The following PTCH1 variants were observed in gnomAD, a reference collection of about 807,000 sequenced individuals.
PTCH1 encodes the protein protein patched homolog 1.
In PTCH1, 14 loss-of-function variants were observed where a neutral mutation model predicts 144.6. That is an observed-to-expected ratio of 0.10 (90% CI 0.06 to 0.15). The LOEUF (loss-of-function observed/expected upper bound fraction) is 0.15, where lower values mean the gene tolerates loss of function less well. Ranked by LOEUF, PTCH1 falls within the 10% of genes least tolerant of loss-of-function variation. The pLI is 1.00. For synonymous variants in PTCH1, 833 were observed against 793.6 expected, an observed-to-expected ratio of 1.05 and a Z score of -0.83; for missense variants, 1,623 against 1,948.3, an observed-to-expected ratio of 0.83 and a Z score of 3.14.
chr9:95,496,761 C>A (rs1842820926), intron 2 of PTCH1, among the ~76,000 whole-genome samples: 1 of 152,080 alleles, frequency 6.6e-6, no homozygotes, highest in African/African-American at 2.4e-5. Flanking sequence ...GTGTAAATCT[C>A]ATGAGGAAAA....
chr9:95,456,669 T>C (rs536304934), intron 18 of PTCH1, among the ~76,000 whole-genome samples: 1 of 152,268 alleles, frequency 6.6e-6, no homozygotes, highest in African/African-American at 2.4e-5. Context: ...CCAATGTACC[T>C]TCTCCAGAAA....
rs1309958979 is a variant in PTCH1 at position 95,444,477 on chromosome 9, T to A, written c.*1916A>T. 1 of 151,864 alleles carries A rather than the reference T, an allele frequency of 6.6e-6. No homozygotes were observed. Among genetic ancestry groups the A allele is most frequent in the African/African-American group, 2.5e-5 (1 of 40,248 alleles). The allele number at this position is 151,864 out of a possible 1,614,324, so 9.4% of individuals were successfully genotyped here. On this transcript the variant is annotated 3_prime_UTR_variant, in exon 24 of 24. Transcript: ENST00000331920. The stretch of plus-strand genomic sequence containing the variant: ...GACAGCAGCAGGGGGGTGGCCAGGG[T>A]CCCCAGCAGAGACACACACACACGC...
chr9:95,516,893 T>G, exon 1 of PTCH1: 5 of 1,290,292 alleles, frequency 3.9e-6, no homozygotes, highest in Non-Finnish European at 5.4e-6. Context: ...CCGAAAACTT[T>G]ACCCCTTTAC....
chr9:95,499,383 G>C (rs1842993705), intron 2 of PTCH1, among the ~76,000 whole-genome samples: 1 of 150,948 alleles, frequency 6.6e-6, no homozygotes, highest in African/African-American at 2.4e-5. Context: ...CCTCCTCTTA[G>C]GTTGTGATTA....
intron 2 of PTCH1, among the ~76,000 whole-genome samples, chr9:95,502,708 TACACACGCACACACACGCGCATGCAC>T (rs1843233949): frequency 6.6e-6 from 1 of 152,172 alleles, no homozygotes; most frequent in Non-Finnish European, 1.5e-5. Context: ...CACCAATTCC[TACACACGCACACACACGCGCATGCAC>T]ACACACGGAC....
At chr9:95,479,757 T>C (rs901577661) in intron 7 of PTCH1, 3 of 722,244 alleles carry the variant, frequency 4.2e-6, no homozygotes, top group Non-Finnish European at 6.9e-6. Flanking sequence ...TGATGAAAAC[T>C]ACAAATCCAT....
chr9:95,449,112 A>G lies in PTCH1; in HGVS notation c.3761T>C (p.Val1254Ala). 1 of 1,614,196 alleles carries G rather than the reference A, an allele frequency of 6.2e-7. No individual in the cohort carries two copies. The highest frequency in any genetic ancestry group is 1.1e-5 in the South Asian group (1 of 91,074). Residue 1254 changes from valine (V) to alanine (A), a missense_variant, in exon 22 of 24, where the codon GTG becomes GCG. Physicochemically the swap from Val to Ala is moderately conservative, Grantham distance 64. Transcript: ENST00000331920. This position sits in a 1 kb window ranked among gnomAD's most constrained non-coding sequence, Gnocchi z 5.3. ...GGGGTTTTCTGTGGCTTCCACGATC[A>G]CTTGGTGGGCAGGGCCTCCCGCGCC... ...QQGAGGPAHQ[V>A]IVEATENPVF... is the part of the protein sequence containing the mutation.
rs764817185 is a variant in PTCH1 at position 95,480,609 on chromosome 9, C to T, written c.747-21G>A. 37 of 1,604,976 alleles carry T rather than the reference C, an allele frequency of 2.3e-5. No homozygotes were observed. The South Asian group carries it at 2.5e-4, about 11-fold the overall frequency. On this transcript the variant is annotated intron_variant, in intron 5 of 23. Transcript: ENST00000331920. ...TACCTCTGCAAAAGAAATTAGGAGA[C>T]GAGACCATGAAAAGAGCCTTCTAAA... is the stretch of plus-strand genomic sequence containing the variant.
chr9:95,459,348 C>T (rs1053190631), intron 17 of PTCH1, among the ~76,000 whole-genome samples: 3 of 152,204 alleles, frequency 2.0e-5, no homozygotes, highest in East Asian at 1.9e-4. Context: ...GTGAGAGCAA[C>T]GCCTAATGAA....
In PTCH1 at chr9:95,508,556, CGCTGCG is replaced by C; in HGVS notation, c.-201_-196del. ...CTGCTCACACGGCGGGCGCTGCTGC[CGCTGCG>C]GCCGCGGCCGCTGCCGGGGAGTCAG... On this transcript the variant is annotated 5_prime_UTR_variant, in exon 1 of 24. Transcript: ENST00000331920. 5 of 1,005,478 alleles carry C rather than the reference CGCTGCG, an allele frequency of 5.0e-6. No homozygotes were observed. Among genetic ancestry groups the C allele is most frequent in the Non-Finnish European group, 5.9e-6 (5 of 843,244 alleles). The allele number at this position is 1,005,478 out of a possible 1,614,324, so 62.3% of individuals were successfully genotyped here. A position where few individuals can be genotyped will look rare whatever the true frequency, so the allele number is the denominator to read the frequency against.
rs147204440 is a variant in PTCH1 at position 95,468,877 on chromosome 9, T to C, written c.2124A>G (p.Thr708=). The change falls in exon 14 of 24, where the codon ACA becomes ACG. Residue 708 remains threonine, a synonymous_variant. Coordinates refer to ENST00000331920, the MANE Select transcript of PTCH1 (RefSeq NM_000264.5). ...CGGAGAACTGGGAGAGCAGGTCCCT[T>C]GTGGAGCTGGTGCTCTCTGGGCTCT... is the stretch of plus-strand genomic sequence containing the variant. ...SCQSPESTSS[T]RDLLSQFSDS... is the part of the protein sequence containing the mutation. 99 of 1,613,926 alleles carry C rather than the reference T, an allele frequency of 6.1e-5. No individual in the cohort carries two copies. Among genetic ancestry groups the C allele is most frequent in the South Asian group, 1.1e-5 (1 of 91,050 alleles).
chr9:95,445,916 A>G lies in PTCH1; in HGVS notation c.*477T>C, dbSNP rs1837847336. 1 of 157,078 alleles carries G rather than the reference A, an allele frequency of 6.4e-6. No homozygotes were observed. Among genetic ancestry groups the G allele is most frequent in the Non-Finnish European group, 1.4e-5 (1 of 70,584 alleles). The allele number at this position is 157,078 out of a possible 1,614,324, so 9.7% of individuals were successfully genotyped here. ...TTGAAAGTTAACAGTAACATTTCAT[A>G]CTACCACAGGGTTGTGATATGCAAA... On this transcript the variant is annotated 3_prime_UTR_variant, in exon 24 of 24. Transcript: ENST00000331920.
At chr9:95,516,606 C>T in exon 1 of PTCH1, 2 of 1,600,704 alleles carry the variant, frequency 1.2e-6, no homozygotes, top group Middle Eastern at 1.7e-4. Flanking sequence ...CCCAGTCTTC[C>T]CTCGTCTCCC....
upstream of PTCH1, among the ~76,000 whole-genome samples, chr9:95,511,394 C>T (rs764925569): frequency 2.0e-5 from 3 of 152,228 alleles, no homozygotes; most frequent in Non-Finnish European, 4.4e-5. Context: ...GAGGCCCTTC[C>T]CCCGACCCCC....
At position 95,447,309 on chromosome 9, in the gene PTCH1, T is replaced by C. The variant is rs147067171; in HGVS notation, c.3947A>G (p.Tyr1316Cys). ...TTCAAAAGCGTCTCTGCGCGGTCTG[T>C]AGGGGGGTGGCCACAAGCCTTCTCT... ...PPREGLWPPP[Y>C]RPRRDAFEIS... is the part of the protein sequence containing the mutation. The change falls in exon 23 of 24, where the codon TAC becomes TGC. Residue 1316 changes from tyrosine to cysteine, a missense_variant. Physicochemically the swap from Tyr to Cys is radical, Grantham distance 194 (BLOSUM62 -2). Transcript: ENST00000331920. The C allele has an allele frequency of 7.4e-4, 1,197 of 1,609,922 alleles. No individual in the cohort carries two copies. The highest frequency in any genetic ancestry group is 1.8e-3 in the Middle Eastern group (11 of 6,070).
intron 2 of PTCH1, among the ~76,000 whole-genome samples, chr9:95,486,200 CCT>C (rs902927472): frequency 6.6e-6 from 1 of 152,152 alleles, no homozygotes; most frequent in Admixed American, 6.5e-5. Context: ...ACCAAATAAC[CCT>C]GTTACAATTT....
intron 2 of PTCH1, among the ~76,000 whole-genome samples, chr9:95,486,421 G>A (rs919455944): frequency 1.3e-5 from 2 of 152,260 alleles, no homozygotes; most frequent in African/African-American, 4.8e-5. Flanking sequence ...ATGCCCATGG[G>A]GAAATCCCAA....
chr9:95,464,028 G>A (rs1253036941), intron 15 of PTCH1, among the ~76,000 whole-genome samples: 2 of 152,202 alleles, frequency 1.3e-5, no homozygotes, highest in African/African-American at 4.8e-5. Context: ...GGACACCCGA[G>A]GGTGAAACAA....
At chr9:95,493,657 C>G (rs1392815056) in intron 2 of PTCH1, among the ~76,000 whole-genome samples, 1 of 152,188 alleles carries the variant, frequency 6.6e-6, no homozygotes, top group African/African-American at 2.4e-5. Flanking sequence ...CTAACAGCCT[C>G]TAGAGAGATT....
Sources: gnomAD v4.1 joint callset for allele counts (sites outside exome capture counted in the v4.1 genomes callset) on GRCh38, gnomAD v4.1.1 for gene constraint, Gnocchi (gnomAD v3.1) non-coding constraint, MANE v1.5 for transcripts, NCBI Gene and HGNC (gene_info 2026-07-23, HGNC 2026-07-21) for gene names.